Variants in USF3 observed in about 807,000 individuals in gnomAD.
USF3 encodes the protein basic helix-loop-helix domain-containing protein USF3.
Under a neutral mutation model 157.5 loss-of-function variants are expected in USF3, and 29 were observed. That is an observed-to-expected ratio of 0.18 (90% CI 0.14 to 0.25). The LOEUF (loss-of-function observed/expected upper bound fraction) is 0.25. Ranked by LOEUF, USF3 falls within the 10% of genes least tolerant of loss-of-function variation. The probability of loss-of-function intolerance (pLI) is 1.00; values close to 1 mark genes in which losing one functional copy is unlikely to be tolerated. For synonymous variants in USF3, 893 were observed against 941.4 expected (o/e 0.95, Z 0.94); for missense variants, 2,381 against 2,667.6 (o/e 0.89, Z 2.37).
rs756149206 is a variant in USF3 at position 113,657,141 on chromosome 3, G to A, written c.4541C>T (p.Thr1514Ile). ...CTGCATCTGAACTTCCTGTTGCAGA[G>A]TCCTCTGTTGGTGGACATTATGGGG... ...SQPHNVHQQR[T>I]LQQEVQMQKK... is the part of the protein sequence containing the mutation. Residue 1514 changes from threonine to isoleucine, a missense_variant, in exon 7 of 7, where the codon ACT becomes ATT. This residue lies in a region of USF3 where 50 missense variants were observed against 79.7 expected (regional missense o/e 0.63). Transcript: ENST00000316407. The A allele has an allele frequency of 3.1e-6, 5 of 1,614,114 alleles. No individual in the cohort carries two copies. Among genetic ancestry groups the A allele is most frequent in the Admixed American group, 1.7e-5 (1 of 60,014 alleles).
At chr3:113,695,716 G>A (rs1295372710) in intron 1 of USF3, among the ~76,000 whole-genome samples, 2 of 152,336 alleles carry the variant, frequency 1.3e-5, no homozygotes, top group East Asian at 1.9e-4. Flanking sequence ...CTTCAAGAAC[G>A]AGTGGGGTGA....
chr3:113,687,788 A>C (rs775939829), intron 1 of USF3, among the ~76,000 whole-genome samples: 1 of 152,228 alleles, frequency 6.6e-6, no homozygotes, highest in Non-Finnish European at 1.5e-5. Flanking sequence ...GACATCATAC[A>C]CATCCAAGGT....
intron 1 of USF3, among the ~76,000 whole-genome samples, chr3:113,678,172 A>C (rs1707326674): frequency 6.6e-6 from 1 of 152,176 alleles, no homozygotes; most frequent in Non-Finnish European, 1.5e-5. Context: ...TCTGATAGGA[A>C]AAAGCTGGAA....
chr3:113,688,364 C>T (rs540622821), intron 1 of USF3, among the ~76,000 whole-genome samples: 8 of 152,294 alleles, frequency 5.3e-5, no homozygotes, highest in South Asian at 2.1e-4. Flanking sequence ...GTGATCCCCC[C>T]ACCTTGGCCT....
intron 5 of USF3, among the ~76,000 whole-genome samples, chr3:113,665,617 G>C (rs1947552874): frequency 6.6e-6 from 1 of 151,824 alleles, no homozygotes; most frequent in Non-Finnish European, 1.5e-5. Context: ...CTTGAGGTCA[G>C]GAATTTGAGA....
Position 113,696,618 on chromosome 3 carries a change from G to C in USF3, c.-383C>G, listed in dbSNP as rs1294394823. 6.6e-6 allele frequency: 1 copy of C among 150,954 alleles called. No homozygotes were observed. The highest frequency in any genetic ancestry group is 2.4e-5 in the African/African-American group (1 of 40,964). 9.4% of individuals were successfully genotyped at this position (150,954 alleles called of 1,614,324 possible). ...CCGAGCCCTCAAGGCCGGAGACCCG[G>C]CGGCAGCGCGGCCTCAACTTTCCCA... On this transcript the variant is annotated 5_prime_UTR_variant, in exon 1 of 7. Transcript: ENST00000316407.
chr3:113,683,716 C>A (rs943634841), intron 1 of USF3, among the ~76,000 whole-genome samples: 1 of 152,094 alleles, frequency 6.6e-6, no homozygotes, highest in Non-Finnish European at 1.5e-5. Flanking sequence ...ATTTGCCCAC[C>A]TTGGCCTCCC....
rs1947291051 is a variant in USF3 at position 113,652,992 on chromosome 3, C to T, written c.*1952G>A. Reference sequence around the variant, plus strand: ...AAGAGGAACTTGAAAAAGGAATATTCAAGGTGCTGTTCCTGGTGTTAGTTG... The same window carrying T: ...AAGAGGAACTTGAAAAAGGAATATTTAAGGTGCTGTTCCTGGTGTTAGTTG... On this transcript the variant is annotated 3_prime_UTR_variant, in exon 7 of 7. Coordinates refer to ENST00000316407, the MANE Select transcript of USF3 (RefSeq NM_001009899.4). 1.9e-6 allele frequency: 2 copies of T among 1,067,638 alleles called. No homozygotes were observed. The highest frequency in any genetic ancestry group is 2.6e-6 in the Non-Finnish European group (2 of 766,854). The allele number at this position is 1,067,638 out of a possible 1,614,324, so 66.1% of individuals were successfully genotyped here. A position where few individuals can be genotyped will look rare whatever the true frequency, so the allele number is the denominator to read the frequency against.
At position 113,660,674 on chromosome 3, in the gene USF3, A is replaced by G; in HGVS notation, c.1008T>C (p.Val336=). The G allele has an allele frequency of 6.2e-7, 1 of 1,614,208 alleles. No homozygotes were observed. The highest frequency in any genetic ancestry group is 8.5e-7 in the Non-Finnish European group (1 of 1,180,026). The stretch of plus-strand genomic sequence containing the variant: ...AGCAGACTGTGGTGGTAACTGAAAC[A>G]ACAAAAGTGTTTTGAAAATCACCTC... The part of the protein sequence containing the change: ...DFRGDFQNTF[V]VSVTTTVCSQ... The change falls in exon 7 of 7, where the codon GTT becomes GTC. Residue 336 remains valine, a synonymous_variant. Transcript: ENST00000316407.
chr3:113,696,588 C>G lies in USF3; in HGVS notation c.-353G>C, dbSNP rs1484369951. The G allele has an allele frequency of 6.6e-6, 1 of 150,740 alleles. No homozygotes were observed. Among genetic ancestry groups the G allele is most frequent in the Non-Finnish European group, 1.5e-5 (1 of 67,532 alleles). The allele number at this position is 150,740 out of a possible 1,614,324, so 9.3% of individuals were successfully genotyped here. ...CTTTTTGCGGCCACCGCAGCCGCTG[C>G]GAGCCCGAGCCCTCAAGGCCGGAGA... On this transcript the variant is annotated 5_prime_UTR_variant, in exon 1 of 7. Coordinates refer to ENST00000316407, the MANE Select transcript of USF3 (RefSeq NM_001009899.4).
rs1218076263 is a variant in USF3, at chr3:113,648,903, T to C, written c.*6041A>G. The C allele has an allele frequency of 6.6e-6, 1 of 152,184 alleles. No individual in the cohort carries two copies. The highest frequency in any genetic ancestry group is 2.4e-5 in the African/African-American group (1 of 41,354). The allele number at this position is 152,184 out of a possible 1,614,324, so 9.4% of individuals were successfully genotyped here. The stretch of plus-strand genomic sequence containing the variant: ...GTGAAAATATATATATATATGTATA[T>C]ATATTTATATAGCCTGCTGAAAGTG... On this transcript the variant is annotated 3_prime_UTR_variant, in exon 7 of 7. Coordinates refer to ENST00000316407, the MANE Select transcript of USF3 (RefSeq NM_001009899.4).
rs776707730 is a variant in USF3 at position 113,656,509 on chromosome 3, C to T, written c.5173G>A (p.Val1725Met). 8.7e-6 allele frequency: 14 copies of T among 1,614,084 alleles called. No individual in the cohort carries two copies. The African/African-American group carries it at 1.7e-4, about 20-fold the overall frequency. ...TCAGAAAGGCGGATATCTGAGGCCA[C>T]AGTATGGTCCACACGACCCTGCATA... Reference protein sequence around the residue: ...HNMQGRVDHTVASDIRLSDCQ... With the variant: ...HNMQGRVDHTMASDIRLSDCQ... Residue 1725 changes from valine to methionine, a missense_variant, in exon 7 of 7, where the codon GTG becomes ATG. By Grantham distance (21) the Val-to-Met change is conservative (BLOSUM62 1). Transcript: ENST00000316407.
chr3:113,683,464 C>CTTTTTTT (rs5851905), intron 1 of USF3, among the ~76,000 whole-genome samples: 45 of 87,114 alleles, frequency 5.2e-4, no homozygotes, highest in African/African-American at 7.4e-4. Context: ...TTATCCCCTG[C>CTTTTTTT]TTTTTTTTTT....
rs1406395644 is a variant in USF3, at chr3:113,660,810, T to G, written c.872A>C (p.Lys291Thr). ...ACAAGGGGTCATTTTCTTCAATACT[T>G]TGGGGTTCTCTTGTCCATTCTTATT... ...SENKNGQENP[K>T]VLKKMTPCVT... The change falls in exon 7 of 7, where the codon AAA becomes ACA. Residue 291 changes from lysine (K) to threonine (T), a missense_variant. Around this residue, in one of 6 missense-constraint regions of USF3, gnomAD observed 1,435 missense variants for 1,550.9 expected, o/e 0.93. Coordinates refer to ENST00000316407, the MANE Select transcript of USF3 (RefSeq NM_001009899.4). 1.2e-6 allele frequency: 2 copies of G among 1,614,044 alleles called. No homozygotes were observed.
rs761841162 is a variant in USF3, at chr3:113,660,336, G to A, written c.1346C>T (p.Thr449Ile). The A allele has an allele frequency of 5.0e-6, 8 of 1,614,090 alleles. No individual in the cohort carries two copies. The South Asian group carries it at 5.5e-5, about 11-fold the overall frequency. ...AGNTIQPLSQTPSSAVTPVLN... is the reference protein window; with the variant it reads ...AGNTIQPLSQIPSSAVTPVLN... ...TACTGGAGTCACAGCAGAAGATGGTGTCTGGCTTAAGGGCTGAATAGTGTT... is the reference window on the plus strand; with the variant it reads ...TACTGGAGTCACAGCAGAAGATGGTATCTGGCTTAAGGGCTGAATAGTGTT... Residue 449 changes from threonine (T) to isoleucine (I), a missense_variant, in exon 7 of 7, where the codon ACA becomes ATA. Physicochemically the swap from Thr to Ile is moderately conservative, Grantham distance 89. Transcript: ENST00000316407.
rs556431169 is a variant in USF3, at chr3:113,676,002, T to A, written c.-18-1106A>T. Among the ~76,000 whole-genome samples, 3 of 152,340 alleles carry A rather than the reference T, an allele frequency of 2.0e-5. No homozygotes were observed. The East Asian group carries it at 5.8e-4, about 29-fold the overall frequency. On this transcript the variant is annotated intron_variant, in intron 2 of 6. Coordinates refer to ENST00000316407, the MANE Select transcript of USF3 (RefSeq NM_001009899.4). ...TTCCTAATCTCCATCGGAGACCACCTCAGCCTGGACTTCATTGTCCACATC... is the reference window on the plus strand; with the variant it reads ...TTCCTAATCTCCATCGGAGACCACCACAGCCTGGACTTCATTGTCCACATC...
At chr3:113,669,314 TAA>T (rs77336911) in intron 5 of USF3, among the ~76,000 whole-genome samples, 3 of 140,546 alleles carry the variant, frequency 2.1e-5, no homozygotes. Flanking sequence ...AATATAACAG[TAA>T]AAAAAAAAAA....
chr3:113,663,191 C>T (rs939299492), intron 6 of USF3, among the ~76,000 whole-genome samples: 14 of 152,202 alleles, frequency 9.2e-5, no homozygotes, highest in African/African-American at 2.4e-4. Flanking sequence ...TTAGATCCCA[C>T]CCCTAACCCC....
intron 6 of USF3, among the ~76,000 whole-genome samples, chr3:113,661,760 C>T (rs1947490417): frequency 6.6e-6 from 1 of 152,328 alleles, no homozygotes; most frequent in African/African-American, 2.4e-5. Flanking sequence ...TGGCAACATG[C>T]TAGCAAGATA....
Sources: gnomAD v4.1 joint callset for allele counts (sites outside exome capture counted in the v4.1 genomes callset) on GRCh38, gnomAD v4.1.1 for gene constraint, gnomAD v4.1.1 regional missense constraint, MANE v1.5 for transcripts, NCBI Gene and HGNC (gene_info 2026-07-23, HGNC 2026-07-21) for gene names.